The following FAM135A variants were observed in gnomAD, a reference collection of about 807,000 sequenced individuals.
The protein encoded by FAM135A is protein FAM135A.
A neutral mutation model predicts 146.8 loss-of-function variants in FAM135A; 79 were observed. That is an observed-to-expected ratio of 0.54 (90% CI 0.45 to 0.65). The LOEUF is 0.65. Ranked by LOEUF, FAM135A falls within the 30% of genes least tolerant of loss-of-function variation. The probability of loss-of-function intolerance (pLI) is 0.00; values close to 1 mark genes in which losing one functional copy is unlikely to be tolerated. For missense variants in FAM135A, 1,623 were observed against 1,758.2 expected (o/e 0.92, Z 1.38); for synonymous variants, 562 against 603.6 (o/e 0.93, Z 1.01).
chr6:70,560,846 ATAAT>A lies in FAM135A; in HGVS notation c.*927_*930del, dbSNP rs1801768848. On this transcript the variant is annotated 3_prime_UTR_variant, in exon 22 of 22. Coordinates refer to ENST00000418814, the MANE Select transcript of FAM135A (RefSeq NM_001162529.3). ...TGAACTAAAAAGTAATGTAAATAAA[ATAAT>A]TCATGTTAAAGATGGAACAAAATAA... 6.6e-6 allele frequency: 1 copy of A among 152,624 alleles called. No homozygotes were observed. The highest frequency in any genetic ancestry group is 1.5e-5 in the Non-Finnish European group (1 of 68,000). The allele number at this position is 152,624 out of a possible 1,614,324, so 9.5% of individuals were successfully genotyped here. A position where few individuals can be genotyped will look rare whatever the true frequency, so the allele number is the denominator to read the frequency against.
chr6:70,477,329 T>C lies in FAM135A; in HGVS notation c.539T>C (p.Ile180Thr). 9.3e-6 allele frequency: 15 copies of C among 1,612,168 alleles called. No individual in the cohort carries two copies. Among genetic ancestry groups the C allele is most frequent in the African/African-American group, 1.3e-5 (1 of 74,948 alleles). The change falls in exon 8 of 22, where the codon ATA (isoleucine) becomes ACA (threonine). Residue 180 changes from isoleucine (I) to threonine (T), a missense_variant. This residue lies in a region of FAM135A where 206 missense variants were observed against 194.7 expected (regional missense o/e 1.06). Coordinates refer to ENST00000418814, the MANE Select transcript of FAM135A (RefSeq NM_001162529.3). ...TTGGTTGCACTACACCAGCCACTAA[T>C]AAGGTAAATTTGACTAATATTTTTG... Reference protein sequence around the residue: ...ASLVALHQPLISFPRPVKTTW... With the variant: ...ASLVALHQPLTSFPRPVKTTW...
In FAM135A at chr6:70,429,470, G is replaced by A. The variant is rs567159730; in HGVS notation, c.77+1051G>A. On this transcript the variant is annotated intron_variant, in intron 4 of 21. Coordinates refer to ENST00000418814, the MANE Select transcript of FAM135A (RefSeq NM_001162529.3). ...AGAGTTTGCAGTGAGCCGAGATTGC[G>A]CTAGTGCACTCCAGCCTGGGCAACA... Among the ~76,000 whole-genome samples, 28 of 151,678 alleles carry A rather than the reference G, an allele frequency of 1.8e-4. 1 individual carries two copies. Among genetic ancestry groups the A allele is most frequent in the Admixed American group, 1.3e-3 (20 of 15,242 alleles).
At chr6:70,542,691 C>T (rs1292670326) in intron 20 of FAM135A, among the ~76,000 whole-genome samples, 2 of 152,156 alleles carry the variant, frequency 1.3e-5, no homozygotes, top group Admixed American at 6.5e-5. Flanking sequence ...TCTTATGTCT[C>T]CAGGACTGAT....
intron 15 of FAM135A, among the ~76,000 whole-genome samples, chr6:70,527,797 T>C (rs1397365654): frequency 1.3e-5 from 2 of 152,164 alleles, no homozygotes; most frequent in East Asian, 3.8e-4. Context: ...ATTGGTATTT[T>C]TAGAGAAAAA....
Position 70,524,349 on chromosome 6 carries a change from A to G in FAM135A, c.1265A>G (p.Asp422Gly). The change falls in exon 15 of 22, where the codon GAT becomes GGT. Residue 422 changes from aspartate (D) to glycine (G), a missense_variant. Asp to Gly is a moderately conservative substitution (Grantham distance 94). Transcript: ENST00000418814. ...RYLDSVTEDL[D>G]APWMGIQNLQ... The stretch of plus-strand genomic sequence containing the variant: ...TTTTTTCTTTGGATAAAAGACTTAG[A>G]TGCACCCTGGATGGGAATTCAGAAT... 6.7e-7 allele frequency: 1 copy of G among 1,482,352 alleles called. No homozygotes were observed. The highest frequency in any genetic ancestry group is 1.4e-5 in the South Asian group (1 of 70,444). The allele number at this position is 1,482,352 out of a possible 1,614,324, so 91.8% of individuals were successfully genotyped here. A position where few individuals can be genotyped will look rare whatever the true frequency, so the allele number is the denominator to read the frequency against.
At chr6:70,512,114 C>T (rs1375743052) in intron 12 of FAM135A, among the ~76,000 whole-genome samples, 3 of 151,864 alleles carry the variant, frequency 2.0e-5, no homozygotes, top group African/African-American at 4.8e-5. Context: ...TGCTGCTTTT[C>T]GGTCAGTTCC....
chr6:70,423,453 C>T (rs771086895), intron 2 of FAM135A, among the ~76,000 whole-genome samples: 9 of 152,092 alleles, frequency 5.9e-5, no homozygotes, highest in Non-Finnish European at 1.2e-4. Context: ...TTCGGTAATC[C>T]AGAATTTGTC....
At chr6:70,536,072 G>A (rs112067944) in intron 18 of FAM135A, 188 bp from the exon 19 acceptor site, 1 of 494,576 alleles carries the variant, frequency 2.0e-6, no homozygotes, top group Non-Finnish European at 3.5e-6. Context: ...TAATAATGAG[G>A]ATCTTCTATA....
chr6:70,490,933 A>C, intron 10 of FAM135A, 101 bp from the exon 11 acceptor site: 1 of 665,536 alleles, frequency 1.5e-6, no homozygotes, highest in South Asian at 2.8e-5. Flanking sequence ...CATTGAATAC[A>C]GTCCAGATCA....
At position 70,415,354 on chromosome 6, in the gene FAM135A, C is replaced by A. The variant is rs1251015448; in HGVS notation, c.-156C>A. ...TCTCAAAGCAGTCCACAAACAAATT[C>A]TTCCTTATGTTGTCTGTGTCAGGTA... is the stretch of plus-strand genomic sequence containing the variant. On this transcript the variant is annotated 5_prime_UTR_variant, in exon 2 of 22. Transcript: ENST00000418814. 1 of 152,024 alleles carries A rather than the reference C, an allele frequency of 6.6e-6. No homozygotes were observed. Among genetic ancestry groups the A allele is most frequent in the Non-Finnish European group, 1.5e-5 (1 of 67,986 alleles). 9.4% of individuals were successfully genotyped at this position (152,024 alleles called of 1,614,324 possible).
chr6:70,440,675 C>CT (rs1414458760), intron 4 of FAM135A, among the ~76,000 whole-genome samples: 3 of 152,110 alleles, frequency 2.0e-5, no homozygotes, highest in Non-Finnish European at 4.4e-5. Context: ...GCAATAAGAG[C>CT]TTTTTTGTAC....
At position 70,523,871 on chromosome 6, in the gene FAM135A, A is replaced by C. The variant is rs774034880; in HGVS notation, c.1104-96A>C. On this transcript the variant is annotated intron_variant, in intron 13 of 21. Coordinates refer to ENST00000418814, the MANE Select transcript of FAM135A (RefSeq NM_001162529.3). The stretch of plus-strand genomic sequence containing the variant: ...AGGTTATGTCTTGCAGATGAGGGAT[A>C]GGAATTGAGGAGGGAAGGGGAAAGG... 2.3e-4 allele frequency: 275 copies of C among 1,218,998 alleles called. 1 individual carries two copies. The highest frequency in any genetic ancestry group is 2.1e-3 in the Middle Eastern group (11 of 5,138). The allele number at this position is 1,218,998 out of a possible 1,614,324, so 75.5% of individuals were successfully genotyped here. A position where few individuals can be genotyped will look rare whatever the true frequency, so the allele number is the denominator to read the frequency against.
chr6:70,450,716 G>GTTTTTTTTTTTTTTTTTTTTT lies in FAM135A; in HGVS notation c.78-1754_78-1734dup, dbSNP rs546674936. On this transcript the variant is annotated intron_variant, in intron 4 of 21. Transcript: ENST00000418814. ...CTCAGGGAGTGTGACCCTTTTAGTT[G>GTTTTTTTTTTTTTTTTTTTTT]TTTTTTTTTTTTTTTTTTTTTTTTT... Among the ~76,000 whole-genome samples, 8 of 28,348 alleles carry GTTTTTTTTTTTTTTTTTTTTT rather than the reference G, an allele frequency of 2.8e-4. 3 individuals carry two copies. The highest frequency in any genetic ancestry group is 5.3e-4 in the Non-Finnish European group (7 of 13,088). The allele number at this position is 28,348 out of a possible 152,430, so 18.6% of individuals were successfully genotyped here.
At chr6:70,483,572 C>T (rs1784116006) in intron 10 of FAM135A, among the ~76,000 whole-genome samples, 2 of 152,098 alleles carry the variant, frequency 1.3e-5, no homozygotes, top group Non-Finnish European at 2.9e-5. Context: ...GAATCATTTA[C>T]AGAATAGAGC....
chr6:70,439,215 C>T (rs1773906896), intron 4 of FAM135A, among the ~76,000 whole-genome samples: 1 of 152,116 alleles, frequency 6.6e-6, no homozygotes, highest in Admixed American at 6.5e-5. Flanking sequence ...GACATGGACC[C>T]AGAAACGTGT....
intron 5 of FAM135A, among the ~76,000 whole-genome samples, chr6:70,466,017 G>A (rs1243982823): frequency 1.3e-5 from 2 of 152,124 alleles, no homozygotes; most frequent in African/African-American, 2.4e-5. Context: ...AGATGTCATA[G>A]CACTCTGTCT....
chr6:70,494,903 T>C (rs1435377162), intron 11 of FAM135A, among the ~76,000 whole-genome samples: 2 of 152,174 alleles, frequency 1.3e-5, no homozygotes, highest in Non-Finnish European at 2.9e-5. Flanking sequence ...AAGTAAAGTG[T>C]TCATATCTTA....
At chr6:70,448,583 G>A (rs1776342454) in intron 4 of FAM135A, among the ~76,000 whole-genome samples, 1 of 152,164 alleles carries the variant, frequency 6.6e-6, no homozygotes, top group African/African-American at 2.4e-5. Flanking sequence ...ACCCAGTGGT[G>A]CTAGAGGAAT....
In FAM135A at chr6:70,424,023, A is replaced by G. The variant is rs569944479; in HGVS notation, c.-133-2416A>G. 2.4e-4 allele frequency among the ~76,000 whole-genome samples: 36 copies of G among 151,826 alleles called. 1 individual carries two copies. The South Asian group carries it at 7.5e-3, about 32-fold the overall frequency. ...ATTTGGGAAAATAAACAATGAAAAAACTCTTTTCATGAGAATGATGAAGAT... is the reference window on the plus strand; with the variant it reads ...ATTTGGGAAAATAAACAATGAAAAAGCTCTTTTCATGAGAATGATGAAGAT... On this transcript the variant is annotated intron_variant, in intron 2 of 21. Transcript: ENST00000418814.
Sources: gnomAD v4.1 joint callset for allele counts (sites outside exome capture counted in the v4.1 genomes callset) on GRCh38, gnomAD v4.1.1 for gene constraint, gnomAD v4.1.1 regional missense constraint, MANE v1.5 for transcripts, NCBI Gene and HGNC (gene_info 2026-07-23, HGNC 2026-07-21) for gene names.